Variants in MLF1 observed in about 807,000 individuals in gnomAD.
The protein encoded by MLF1 is myeloid leukemia factor 1.
A neutral mutation model predicts 38.3 loss-of-function variants in MLF1; 37 were observed. That is an observed-to-expected ratio of 0.96 (90% CI 0.74 to 1.27). The LOEUF (loss-of-function observed/expected upper bound fraction) is 1.27, where lower values mean the gene tolerates loss of function less well. MLF1 is among the 50% of genes most tolerant of loss of function. The pLI is 0.00. For synonymous variants in MLF1, 95 were observed against 106.5 expected, an observed-to-expected ratio of 0.89 and a Z score of 0.66; for missense variants, 331 against 349.2, an observed-to-expected ratio of 0.95 and a Z score of 0.42.
At chr3:158,581,211 A>G (rs927139176) in intron 1 of MLF1, among the ~76,000 whole-genome samples, 2 of 152,168 alleles carry the variant, frequency 1.3e-5, no homozygotes, top group Non-Finnish European at 2.9e-5. Context: ...CTCAGAGTGG[A>G]CAAGTGTCAG....
rs570471381 is a variant in MLF1 at position 158,593,546 on chromosome 3, T to C, written c.240+120T>C. The C allele has an allele frequency of 1.7e-4, 120 of 706,226 alleles. No individual in the cohort carries two copies. The East Asian group carries it at 3.5e-3, about 21-fold the overall frequency. 43.7% of individuals were successfully genotyped at this position (706,226 alleles called of 1,614,324 possible). A position where few individuals can be genotyped will look rare whatever the true frequency, so the allele number is the denominator to read the frequency against. The stretch of plus-strand genomic sequence containing the variant: ...ACTTCCATAATGGCTTTTTAATGTT[T>C]GTACTGAAAACCTCTGTTTCAAGTA... On this transcript the variant is annotated intron_variant, in intron 3 of 7. Transcript: ENST00000466246.
chr3:158,594,363 T>C (rs1010594547), intron 3 of MLF1, among the ~76,000 whole-genome samples: 1 of 152,170 alleles, frequency 6.6e-6, no homozygotes, highest in African/African-American at 2.4e-5. Context: ...TGCAAAGACC[T>C]GCAGGCTAGG....
chr3:158,591,632 A>T (rs1475339158), intron 1 of MLF1, among the ~76,000 whole-genome samples: 4 of 152,150 alleles, frequency 2.6e-5, no homozygotes, highest in Non-Finnish European at 4.4e-5. Flanking sequence ...TTGCCTTGGT[A>T]AAGTGAGCTC....
chr3:158,587,571 G>A (rs1473830058), intron 1 of MLF1, among the ~76,000 whole-genome samples: 2 of 152,190 alleles, frequency 1.3e-5, no homozygotes, highest in African/African-American at 4.8e-5. Context: ...GATACATGCT[G>A]CTGATCCCCA....
At position 158,575,562 on chromosome 3, in the gene MLF1, C is replaced by CA. The variant is rs551371147; in HGVS notation, c.47+4218dup. Among the ~76,000 whole-genome samples the CA allele has an allele frequency of 2.8e-4, 42 of 152,238 alleles. No homozygotes were observed. The East Asian group carries it at 7.9e-3, about 29-fold the overall frequency. On this transcript the variant is annotated intron_variant, in intron 1 of 7. Coordinates refer to ENST00000466246, the MANE Select transcript of MLF1 (RefSeq NM_001369783.1). Reference sequence around the variant, plus strand: ...AAACATAAAGAATTCATAAAGGTGACAAACTCCTTAATGAATCATCCACTG... The same window carrying CA: ...AAACATAAAGAATTCATAAAGGTGACAAAACTCCTTAATGAATCATCCACTG...
chr3:158,600,810 T>C (rs950720456), intron 6 of MLF1, among the ~76,000 whole-genome samples: 1 of 151,754 alleles, frequency 6.6e-6, no homozygotes, highest in Admixed American at 6.6e-5. Context: ...TTCTGTTATA[T>C]GTTAGATTAC....
intron 1 of MLF1, chr3:158,589,031 CT>C (rs1160351185): frequency 2.5e-6 from 1 of 393,468 alleles, no homozygotes; most frequent in Non-Finnish European, 5.1e-6. Flanking sequence ...AACTTCAAGA[CT>C]GCAGGCATTG....
chr3:158,601,806 C>CTTTTT lies in MLF1; in HGVS notation c.614-985_614-981dup, dbSNP rs1188640734. ...AACATTGGGGTTTGATAAAATTATTCTTTTTTTTTTTTTTTTTTTTGAGAC... is the reference window on the plus strand; with the variant it reads ...AACATTGGGGTTTGATAAAATTATTCTTTTTTTTTTTTTTTTTTTTTTTTTGAGAC... On this transcript the variant is annotated intron_variant, in intron 6 of 7. Transcript: ENST00000466246. 7.5e-4 allele frequency among the ~76,000 whole-genome samples: 72 copies of CTTTTT among 96,008 alleles called. 1 individual carries two copies. The highest frequency in any genetic ancestry group is 8.9e-4 in the Admixed American group (6 of 6,778). 63.0% of individuals were successfully genotyped at this position (96,008 alleles called of 152,430 possible).
chr3:158,589,723 A>G (rs6763812), intron 1 of MLF1, among the ~76,000 whole-genome samples: 85,048 of 151,622 alleles, frequency 0.56, 24,700 homozygotes, highest in African/African-American at 0.72. Flanking sequence ...ACAACAAATC[A>G]TCTTATGGTG....
chr3:158,596,673 T>C (rs1182890571), intron 3 of MLF1, among the ~76,000 whole-genome samples, 189 bp from the exon 4 acceptor site: 1 of 152,172 alleles, frequency 6.6e-6, no homozygotes, highest in Admixed American at 6.6e-5. Flanking sequence ...TGGGATTTTG[T>C]GTATGCTTCA....
chr3:158,594,403 C>T (rs2108625339), intron 3 of MLF1, among the ~76,000 whole-genome samples: 1 of 152,100 alleles, frequency 6.6e-6, no homozygotes, highest in East Asian at 1.9e-4. Context: ...ATCACTTAGC[C>T]CTGGAGTATG....
chr3:158,588,617 A>C (rs372103130), intron 1 of MLF1, among the ~76,000 whole-genome samples: 63,177 of 140,650 alleles, frequency 0.45, 15,319 homozygotes, highest in African/African-American at 0.66. Context: ...AAAAAAAAAA[A>C]AAAAAAAGCA....
chr3:158,586,456 T>C (rs1717275768), intron 1 of MLF1, among the ~76,000 whole-genome samples: 1 of 152,046 alleles, frequency 6.6e-6, no homozygotes, highest in Non-Finnish European at 1.5e-5. Flanking sequence ...TAAGTTTGAG[T>C]GTGAAATGAA....
At chr3:158,581,571 C>G (rs567501646) in intron 1 of MLF1, among the ~76,000 whole-genome samples, 6 of 152,186 alleles carry the variant, frequency 3.9e-5, no homozygotes, top group Non-Finnish European at 5.9e-5. Context: ...CTACAGAACA[C>G]TTTGCCTCCC....
chr3:158,575,300 A>G (rs1454173480), intron 1 of MLF1, among the ~76,000 whole-genome samples: 1 of 152,198 alleles, frequency 6.6e-6, no homozygotes, highest in Non-Finnish European at 1.5e-5. Context: ...AAATATACAA[A>G]ATAGTGGCCA....
At chr3:158,575,814 A>T (rs1348831595) in intron 1 of MLF1, among the ~76,000 whole-genome samples, 1 of 152,064 alleles carries the variant, frequency 6.6e-6, no homozygotes, top group African/African-American at 2.4e-5. Flanking sequence ...TGATACTGGT[A>T]TTTTCTAATT....
intron 1 of MLF1, among the ~76,000 whole-genome samples, chr3:158,588,009 ATAAAT>A (rs986583073): frequency 3.3e-5 from 5 of 152,102 alleles, no homozygotes; most frequent in Non-Finnish European, 7.4e-5. Flanking sequence ...TCAAAAATAA[ATAAAT>A]TAATTAAATT....
At chr3:158,599,510 T>C (rs991630716) in intron 5 of MLF1, among the ~76,000 whole-genome samples, 2 of 152,212 alleles carry the variant, frequency 1.3e-5, no homozygotes, top group African/African-American at 4.8e-5. Flanking sequence ...TTTAACTTTC[T>C]AAAAGTGACA....
rs1720404210 is a variant in MLF1 at position 158,605,528 on chromosome 3, AT to A, written c.*328del. The A allele has an allele frequency of 4.3e-6, 1 of 231,568 alleles. No homozygotes were observed. Among genetic ancestry groups the A allele is most frequent in the Admixed American group, 5.3e-5 (1 of 18,782 alleles). The allele number at this position is 231,568 out of a possible 1,614,324, so 14.3% of individuals were successfully genotyped here. On this transcript the variant is annotated 3_prime_UTR_variant, in exon 8 of 8. Coordinates refer to ENST00000466246, the MANE Select transcript of MLF1 (RefSeq NM_001369783.1). Reference sequence around the variant, plus strand: ...TATTCTTTTATATTTATCAAGATTGATTGCAGAGCAGTTCTATCACTTATAA... The same window carrying A: ...TATTCTTTTATATTTATCAAGATTGATGCAGAGCAGTTCTATCACTTATAA...
Sources: allele counts gnomAD v4.1 joint callset (sites outside exome capture counted in the v4.1 genomes callset), GRCh38; gene constraint gnomAD v4.1.1; transcripts MANE v1.5; gene names NCBI Gene and HGNC (gene_info 2026-07-23, HGNC 2026-07-21).